The following RCOR3 variants were observed in gnomAD, a reference collection of about 807,000 sequenced individuals.
The protein encoded by RCOR3 is REST corepressor 3.
Under a neutral mutation model 64.1 loss-of-function variants are expected in RCOR3, and 13 were observed. That is an observed-to-expected ratio of 0.20 (90% CI 0.13 to 0.32). RCOR3 has a LOEUF of 0.32. RCOR3 is among the 10% of genes least tolerant of loss of function. RCOR3 has a pLI of 1.00. For synonymous variants in RCOR3, 215 were observed against 239.0 expected (o/e 0.90, Z 0.93); for missense variants, 489 against 701.2 (o/e 0.70, Z 3.42).
chr1:211,293,573 C>T (rs573989477), intron 8 of RCOR3, among the ~76,000 whole-genome samples: 1 of 152,338 alleles, frequency 6.6e-6, no homozygotes, highest in African/African-American at 2.4e-5. Context: ...TGTTCATCAA[C>T]ATATATAGAA....
chr1:211,313,889 G>C lies in RCOR3; in HGVS notation c.*121G>C. ...GATACTGAGGCTGCGAACTAGTTCTGTGGCAGTGGACTAGCATAAGTGGAT... is the reference window on the plus strand; with the variant it reads ...GATACTGAGGCTGCGAACTAGTTCTCTGGCAGTGGACTAGCATAAGTGGAT... On this transcript the variant is annotated 3_prime_UTR_variant, in exon 12 of 12. Transcript: ENST00000419091. The surrounding 1 kb of genome is among the most constrained non-coding windows in gnomAD (Gnocchi z 4.7). 1.1e-6 allele frequency: 1 copy of C among 924,866 alleles called. No individual in the cohort carries two copies. The highest frequency in any genetic ancestry group is 1.6e-6 in the Non-Finnish European group (1 of 626,012). 57.3% of individuals were successfully genotyped at this position (924,866 alleles called of 1,614,324 possible).
intron 2 of RCOR3, among the ~76,000 whole-genome samples, chr1:211,260,621 A>C (rs1175346988): frequency 6.6e-6 from 1 of 152,114 alleles, no homozygotes; most frequent in African/African-American, 2.4e-5. Context: ...CGGCCGGGGA[A>C]GCCAAGGGCG....
chr1:211,313,578 C>T lies in RCOR3; in HGVS notation c.1472C>T (p.Pro491Leu). 1 of 1,614,142 alleles carries T rather than the reference C, an allele frequency of 6.2e-7. No individual in the cohort carries two copies. Among genetic ancestry groups the T allele is most frequent in the Non-Finnish European group, 8.5e-7 (1 of 1,180,028 alleles). Residue 491 changes from proline (P) to leucine (L), a missense_variant, in exon 12 of 12, where the codon CCT (proline) becomes CTT (leucine). By Grantham distance (98) the Pro-to-Leu change is moderately conservative. Around this residue, in one of 2 missense-constraint regions of RCOR3, gnomAD observed 402 missense variants for 617.0 expected, o/e 0.65. Transcript: ENST00000419091. This position sits in a 1 kb window ranked among gnomAD's most constrained non-coding sequence, Gnocchi z 4.7. ...GCCCCGGCTCTTCACCGGCAGCCTC[C>T]TCCACTCCAGCAGCAGGCTCGGTTC... is the stretch of plus-strand genomic sequence containing the variant. ...PAAPALHRQP[P>L]PLQQQARFIQ...
chr1:211,276,001 C>T lies in RCOR3; in HGVS notation c.355-256C>T, dbSNP rs543333601. 6.6e-5 allele frequency among the ~76,000 whole-genome samples: 10 copies of T among 152,216 alleles called. No homozygotes were observed. In the South Asian group the frequency reaches 2.1e-3, roughly 32 times the overall value. On this transcript the variant is annotated intron_variant, in intron 4 of 11. Coordinates refer to ENST00000419091, the MANE Select transcript of RCOR3 (RefSeq NM_001136223.3). ...ACAAATCTGCTTTGTAGTCACTCTC[C>T]TCAGCTCACTGTTTTTCCTAGATTC...
At chr1:211,300,406 G>C (rs553881411) in intron 9 of RCOR3, among the ~76,000 whole-genome samples, 1 of 152,106 alleles carries the variant, frequency 6.6e-6, no homozygotes, top group Non-Finnish European at 1.5e-5. Context: ...CTCTTATAAA[G>C]GTTAGCATTG....
intron 4 of RCOR3, among the ~76,000 whole-genome samples, chr1:211,274,492 T>G (rs1696675657): frequency 1.3e-5 from 2 of 152,142 alleles, no homozygotes; most frequent in South Asian, 4.1e-4. Flanking sequence ...TGTTTCTTAT[T>G]CTACTTTGAG....
rs769103896 is a variant in RCOR3, at chr1:211,313,771, A to G, written c.*3A>G. On this transcript the variant is annotated 3_prime_UTR_variant, in exon 12 of 12. Transcript: ENST00000419091. This position sits in a 1 kb window ranked among gnomAD's most constrained non-coding sequence, Gnocchi z 4.7. ...ATTCACAGTCCTCACTGCACTAAAA[A>G]TTAAATTGGACACAGCTGCAGTAAC... The G allele has an allele frequency of 7.5e-6, 12 of 1,610,724 alleles. No individual in the cohort carries two copies. Among genetic ancestry groups the G allele is most frequent in the Non-Finnish European group, 1.0e-5 (12 of 1,177,032 alleles).
At chr1:211,267,574 C>T (rs1003193829) in intron 2 of RCOR3, among the ~76,000 whole-genome samples, 1 of 152,108 alleles carries the variant, frequency 6.6e-6, no homozygotes, top group Non-Finnish European at 1.5e-5. Context: ...AATTACAATG[C>T]TAATAATGTT....
At chr1:211,262,592 A>G (rs1219660332) in intron 2 of RCOR3, among the ~76,000 whole-genome samples, 1 of 152,142 alleles carries the variant, frequency 6.6e-6, no homozygotes, top group Non-Finnish European at 1.5e-5. Flanking sequence ...TTCTGAGTCA[A>G]TATTTATTTC....
chr1:211,265,668 G>A (rs1490893388), intron 2 of RCOR3, among the ~76,000 whole-genome samples: 6 of 152,130 alleles, frequency 3.9e-5, no homozygotes, highest in East Asian at 1.9e-4. Flanking sequence ...GGAGTGAGCC[G>A]AGATTGCACC....
Position 211,313,221 on chromosome 1 carries a change from C to G in RCOR3, c.1318-203C>G, listed in dbSNP as rs1463613734. On this transcript the variant is annotated intron_variant, in intron 11 of 11. Transcript: ENST00000419091. The surrounding 1 kb of genome is among the most constrained non-coding windows in gnomAD (Gnocchi z 4.7). ...GTTAAGCTGTTTACAAATAAAGATG[C>G]CTGTTTGGTAGCCTCATTGGTTTTT... The G allele has an allele frequency of 7.0e-7, 1 of 1,428,760 alleles. No homozygotes were observed. The highest frequency in any genetic ancestry group is 1.4e-5 in the African/African-American group (1 of 69,550). The allele number at this position is 1,428,760 out of a possible 1,614,324, so 88.5% of individuals were successfully genotyped here.
At chr1:211,278,507 A>G (rs1697329859) in intron 6 of RCOR3, among the ~76,000 whole-genome samples, 1 of 152,198 alleles carries the variant, frequency 6.6e-6, no homozygotes, top group African/African-American at 2.4e-5. Context: ...AATATGTTCT[A>G]TGAAAAAGGT....
intron 7 of RCOR3, among the ~76,000 whole-genome samples, 186 bp from the exon 8 acceptor site, chr1:211,288,992 G>T (rs1005774672): frequency 6.6e-6 from 1 of 152,104 alleles, no homozygotes; most frequent in Admixed American, 6.6e-5. Context: ...TATGTTGTAT[G>T]CTTTTCCTCC....
intron 10 of RCOR3, among the ~76,000 whole-genome samples, chr1:211,310,447 C>CTT (rs908665581): frequency 1.8e-4 from 28 of 152,110 alleles, no homozygotes; most frequent in Admixed American, 1.7e-3. Context: ...GTGGTCTGAG[C>CTT]TTTAAGAGTT....
At chr1:211,260,613 GC>G (rs916130618) in intron 2 of RCOR3, among the ~76,000 whole-genome samples, 1 of 152,238 alleles carries the variant, frequency 6.6e-6, no homozygotes, top group Non-Finnish European at 1.5e-5. Flanking sequence ...GCTGTCACCG[GC>G]CGGGGAAGCC....
intron 3 of RCOR3, chr1:211,271,655 C>T (rs1558052949): frequency 2.5e-6 from 1 of 407,740 alleles, no homozygotes; most frequent in Non-Finnish European, 4.9e-6. Flanking sequence ...AAAGACATGC[C>T]TTCAAACTTC....
At chr1:211,281,185 A>T (rs1697758262) in intron 7 of RCOR3, among the ~76,000 whole-genome samples, 1 of 152,028 alleles carries the variant, frequency 6.6e-6, no homozygotes, top group Non-Finnish European at 1.5e-5. Flanking sequence ...TCTGTATCAA[A>T]TTACTGACTG....
intron 9 of RCOR3, among the ~76,000 whole-genome samples, chr1:211,300,132 A>G (rs1295675547): frequency 2.2e-5 from 3 of 138,962 alleles, no homozygotes; most frequent in Non-Finnish European, 4.6e-5. Context: ...GTGCAGTGGC[A>G]TGATCTCGGC....
intron 8 of RCOR3, among the ~76,000 whole-genome samples, chr1:211,293,344 C>A (rs1558089498): frequency 6.6e-6 from 1 of 152,100 alleles, no homozygotes; most frequent in Non-Finnish European, 1.5e-5. Context: ...GCTTAAAAAT[C>A]CTTTAGGTTT....
Sources: allele counts gnomAD v4.1 joint callset (sites outside exome capture counted in the v4.1 genomes callset), GRCh38; gene constraint gnomAD v4.1.1; regional missense constraint gnomAD v4.1.1; non-coding constraint Gnocchi (gnomAD v3.1); transcripts MANE v1.5; gene names NCBI Gene and HGNC (gene_info 2026-07-23, HGNC 2026-07-21).